The following MX1 variants were observed in gnomAD, a reference collection of about 807,000 sequenced individuals.
The protein encoded by MX1 is MX dynamin like GTPase 1, also known as interferon-induced GTP-binding protein Mx1.
MX1 carries 66 observed loss-of-function variants against 66.4 expected under a neutral mutation model. That is an observed-to-expected ratio of 0.99 (90% CI 0.82 to 1.22). The LOEUF is 1.22. Ranked by LOEUF, MX1 falls within the 50% of genes most tolerant of loss-of-function variation. The pLI, the probability that MX1 is intolerant of heterozygous loss-of-function variation, is 0.00. For synonymous variants in MX1, 311 were observed against 318.1 expected (o/e 0.98, Z 0.24); for missense variants, 787 against 834.3 (o/e 0.94, Z 0.70).
At chr21:41,449,666 T>C (rs2090769138) in intron 14 of MX1, 1 of 166,096 alleles carries the variant, frequency 6.0e-6, no homozygotes, top group Admixed American at 6.3e-5. Flanking sequence ...TACTGGTCTA[T>C]TAGAAAGGAT....
upstream of MX1, among the ~76,000 whole-genome samples, chr21:41,425,048 C>T (rs1479700838): frequency 6.6e-6 from 1 of 152,192 alleles, no homozygotes; most frequent in African/African-American, 2.4e-5. Flanking sequence ...CTTGCATCTG[C>T]AACTTGTTAC....
intron 13 of MX1, among the ~76,000 whole-genome samples, chr21:41,447,895 A>T (rs1417934360): frequency 1.3e-5 from 2 of 151,906 alleles, no homozygotes; most frequent in Non-Finnish European, 2.9e-5. Context: ...GCACCTGTCT[A>T]ATTTTTGTAT....
At chr21:41,424,206 T>C (rs368003293), upstream of MX1, among the ~76,000 whole-genome samples, 38 of 148,130 alleles carry the variant, frequency 2.6e-4, 1 homozygote, top group Admixed American at 2.7e-4. Context: ...GACTAGGAAG[T>C]AAAAGGCCCA....
Position 41,441,102 on chromosome 21 carries a change from A to AGAATGGGGGAGCCCG in MX1, c.730+77_730+78insGAATGGGGGAGCCCG, listed in dbSNP as rs1568980728. 42 of 1,294,004 alleles carry AGAATGGGGGAGCCCG rather than the reference A, an allele frequency of 3.2e-5. 9 individuals are homozygous for AGAATGGGGGAGCCCG. The African/African-American group carries it at 4.7e-4, about 15-fold the overall frequency. 80.2% of individuals were successfully genotyped at this position (1,294,004 alleles called of 1,614,324 possible). ...GTGCTCGGTGAGAATGGGGGAGCCC[A>AGAATGGGGGAGCCCG]CCTGTGCTCGGTGAGAATGGGGGAG... On this transcript the variant is annotated intron_variant, in intron 9 of 16. Coordinates refer to ENST00000398598, the MANE Select transcript of MX1 (RefSeq NM_002462.5). This position sits in a 1 kb window ranked among gnomAD's most constrained non-coding sequence, Gnocchi z 4.0.
Position 41,442,000 on chromosome 21 carries a change from G to C in MX1, c.929+86G>C. The C allele has an allele frequency of 8.5e-7, 1 of 1,180,854 alleles. No individual in the cohort carries two copies. Among genetic ancestry groups the C allele is most frequent in the Non-Finnish European group, 1.2e-6 (1 of 800,672 alleles). The allele number at this position is 1,180,854 out of a possible 1,614,324, so 73.1% of individuals were successfully genotyped here. Reference sequence around the variant, plus strand: ...GGACAGTGGCAGCCGTCCCACAGATGTGTGGAGTGTGTGTGTGTGTGTGTG... The same window carrying C: ...GGACAGTGGCAGCCGTCCCACAGATCTGTGGAGTGTGTGTGTGTGTGTGTG... On this transcript the variant is annotated intron_variant, in intron 10 of 16. Coordinates refer to ENST00000398598, the MANE Select transcript of MX1 (RefSeq NM_002462.5). This position sits in a 1 kb window ranked among gnomAD's most constrained non-coding sequence, Gnocchi z 4.0.
chr21:41,424,611 G>A (rs1015700060), upstream of MX1, among the ~76,000 whole-genome samples: 6 of 152,118 alleles, frequency 3.9e-5, no homozygotes, highest in African/African-American at 9.7e-5. Flanking sequence ...GGTGCCAACC[G>A]CTCCCAAAGG....
Position 41,439,808 on chromosome 21 carries a change from G to GAGTTATGCC in MX1, c.554_555insTATGCCAGT (p.Val185_Ala186insMetProVal). 1 of 1,613,792 alleles carries GAGTTATGCC rather than the reference G, an allele frequency of 6.2e-7. No individual in the cohort carries two copies. Among genetic ancestry groups the GAGTTATGCC allele is most frequent in the Non-Finnish European group, 8.5e-7 (1 of 1,179,874 alleles). Reference sequence around the variant, plus strand: ...CTAATAGACCTTCCTGGCATAACCAGAGTGGCTGTGGGCAATCAGCCTGCT... The same window carrying GAGTTATGCC: ...CTAATAGACCTTCCTGGCATAACCAGAGTTATGCCAGTGGCTGTGGGCAATCAGCCTGCT... On this transcript the variant is annotated inframe_insertion, in exon 8 of 17. Coordinates refer to ENST00000398598, the MANE Select transcript of MX1 (RefSeq NM_002462.5).
At chr21:41,451,302 A>G in intron 15 of MX1, 59 bp downstream of exon 15, 1 of 1,088,166 alleles carries the variant, frequency 9.2e-7, no homozygotes. Context: ...GCTTGACACT[A>G]GAAAATAGAT....
intron 11 of MX1, 151 bp downstream of exon 11, chr21:41,444,017 C>T (rs1314366513): frequency 4.2e-6 from 3 of 720,884 alleles, no homozygotes; most frequent in Non-Finnish European, 6.8e-6. Flanking sequence ...GGAGTGGGGC[C>T]TAGAATTCTG....
intron 16 of MX1, among the ~76,000 whole-genome samples, chr21:41,456,959 A>G (rs1286713577): frequency 6.6e-6 from 1 of 152,112 alleles, no homozygotes; most frequent in Non-Finnish European, 1.5e-5. Flanking sequence ...ACGGGGTTTC[A>G]CCATATTGGC....
At position 41,443,804 on chromosome 21, in the gene MX1, G is replaced by A. The variant is rs62623435; in HGVS notation, c.946G>A (p.Gly316Arg). ...HPYFRDLLEE[G>R]KATVPCLAEK... is the part of the protein sequence containing the mutation. ...CTCTTCTAGGGATCTGCTGGAGGAA[G>A]GAAAGGCCACGGTTCCCTGCCTGGC... Residue 316 changes from glycine (G) to arginine (R), a missense_variant, in exon 11 of 17, where the codon GGA becomes AGA. By Grantham distance (125) the Gly-to-Arg change is moderately radical (BLOSUM62 -2). Transcript: ENST00000398598. The A allele has an allele frequency of 1.6e-3, 2,614 of 1,614,238 alleles. 31 individuals are homozygous for A. In the African/African-American group the frequency reaches 0.027, roughly 16 times the overall value.
At chr21:41,454,077 A>G (rs2090900312) in intron 16 of MX1, among the ~76,000 whole-genome samples, 1 of 150,514 alleles carries the variant, frequency 6.6e-6, no homozygotes, top group Non-Finnish European at 1.5e-5. Context: ...GCATTAATGG[A>G]GATTCTCTAC....
At position 41,441,435 on chromosome 21, in the gene MX1, A is replaced by G; in HGVS notation, c.731-281A>G. On this transcript the variant is annotated intron_variant, in intron 9 of 16. Coordinates refer to ENST00000398598, the MANE Select transcript of MX1 (RefSeq NM_002462.5). The surrounding 1 kb of genome is among the most constrained non-coding windows in gnomAD (Gnocchi z 4.0). ...ATTTGAGATGGGATGTCCATAACTC[A>G]AGGGATAAACAAAACGTGGCGTGTT... The G allele has an allele frequency of 1.9e-6, 1 of 518,170 alleles. No homozygotes were observed. Among genetic ancestry groups the G allele is most frequent in the Non-Finnish European group, 3.5e-6 (1 of 284,400 alleles). The allele number at this position is 518,170 out of a possible 1,614,324, so 32.1% of individuals were successfully genotyped here.
upstream of MX1, among the ~76,000 whole-genome samples, chr21:41,423,681 C>T (rs1019911166): frequency 6.6e-6 from 1 of 152,132 alleles, no homozygotes; most frequent in Non-Finnish European, 1.5e-5. Context: ...ATCCTACATG[C>T]TCAGTAGACA....
At chr21:41,458,407 A>G in intron 16 of MX1, 121 bp from the exon 17 acceptor site, 1 of 1,208,690 alleles carries the variant, frequency 8.3e-7, no homozygotes, top group African/African-American at 1.5e-5. Flanking sequence ...GGGGAAGGTC[A>G]TTGCCCTGCG....
chr21:41,433,762 T>A (rs1433711167), intron 5 of MX1, among the ~76,000 whole-genome samples: 1 of 152,250 alleles, frequency 6.6e-6, no homozygotes, highest in Non-Finnish European at 1.5e-5. Flanking sequence ...TGGGAGTGTT[T>A]GTGTTCTTAA....
In MX1 at chr21:41,446,100, T is replaced by C; in HGVS notation, c.1232T>C (p.Phe411Ser). 2 of 1,614,158 alleles carry C rather than the reference T, an allele frequency of 1.2e-6. No individual in the cohort carries two copies. Among genetic ancestry groups the C allele is most frequent in the South Asian group, 2.2e-5 (2 of 91,082 alleles). The change falls in exon 13 of 17, where the codon TTC becomes TCC. Residue 411 changes from phenylalanine to serine, a missense_variant. Physicochemically the swap from Phe to Ser is radical, Grantham distance 155. Coordinates refer to ENST00000398598, the MANE Select transcript of MX1 (RefSeq NM_002462.5). The part of the protein sequence containing the change: ...IRLFTRLRHE[F>S]HKWSTIIENN... The stretch of plus-strand genomic sequence containing the variant: ...CTGTTTACCAGACTCCGACACGAGT[T>C]CCACAAATGGAGTACAATAATTGAA...
chr21:41,449,400 C>T (rs180835420), intron 14 of MX1, 105 bp downstream of exon 14: 355 of 1,145,784 alleles, frequency 3.1e-4, no homozygotes, highest in Middle Eastern at 2.8e-4. Flanking sequence ...GTGCATCCCA[C>T]ACCAACGAGC....
chr21:41,423,350 A>G (rs1298317982), upstream of MX1: 1 of 152,236 alleles, frequency 6.6e-6, no homozygotes, highest in Admixed American at 6.5e-5. Context: ...AAGATTTAAC[A>G]GAGTGAAAAC....
Sources: allele counts gnomAD v4.1 joint callset (sites outside exome capture counted in the v4.1 genomes callset), GRCh38; gene constraint gnomAD v4.1.1; non-coding constraint Gnocchi (gnomAD v3.1); transcripts MANE v1.5; gene names NCBI Gene and HGNC (gene_info 2026-07-23, HGNC 2026-07-21).